CDH12: variants seen among roughly 807,000 people sequenced by gnomAD.
CDH12 encodes the protein cadherin-12.
A neutral mutation model predicts 74.1 loss-of-function variants in CDH12; 41 were observed. That is an observed-to-expected ratio of 0.55 (90% CI 0.43 to 0.72). The LOEUF is 0.72. Ranked by LOEUF, CDH12 falls within the 30% of genes least tolerant of loss-of-function variation. The probability of loss-of-function intolerance (pLI) is 0.00; values close to 1 mark genes in which losing one functional copy is unlikely to be tolerated. For missense variants in CDH12, 945 were observed against 977.2 expected (o/e 0.97, Z 0.44); for synonymous variants, 399 against 355.0 (o/e 1.12, Z -1.39).
At chr5:22,839,021 A>T (rs1421780569) in intron 1 of CDH12, among the ~76,000 whole-genome samples, 1 of 152,116 alleles carries the variant, frequency 6.6e-6, no homozygotes, top group Non-Finnish European at 1.5e-5. Flanking sequence ...GTCACTTAAG[A>T]TAAAAGTTTT....
chr5:22,624,923 A>G (rs1472368371), intron 1 of CDH12, among the ~76,000 whole-genome samples: 2 of 152,222 alleles, frequency 1.3e-5, no homozygotes, highest in Admixed American at 6.5e-5. Flanking sequence ...ATGTCCATCA[A>G]TGATAGACTG....
At chr5:22,795,753 A>G (rs201590313) in intron 1 of CDH12, among the ~76,000 whole-genome samples, 1 of 151,698 alleles carries the variant, frequency 6.6e-6, no homozygotes, top group Non-Finnish European at 1.5e-5. Flanking sequence ...TGAGATCAAC[A>G]TTTTTAGATT....
chr5:22,526,243 A>T (rs987685401), intron 1 of CDH12, among the ~76,000 whole-genome samples: 88 of 152,204 alleles, frequency 5.8e-4, no homozygotes, highest in Admixed American at 5.4e-3. Flanking sequence ...GAATTAAAAA[A>T]ACCCTGAAAG....
chr5:22,709,494 T>TA (rs1299525636), intron 1 of CDH12, among the ~76,000 whole-genome samples: 5 of 152,210 alleles, frequency 3.3e-5, no homozygotes, highest in African/African-American at 9.6e-5. Context: ...TCTGCCAGTA[T>TA]AACTGTACAG....
At position 21,755,599 on chromosome 5, in the gene CDH12, A is replaced by G; in HGVS notation, c.1877T>C (p.Ile626Thr). ...ALIAILLCIV[I>T]LLAIVVLYVA... is the part of the protein sequence containing the mutation. ...TTAATATTGAAACCAACCTAAGAGT[A>G]TAACAATGCATAGTAGAATTGCAAT... The change falls in exon 14 of 15, where the codon ATA becomes ACA. Residue 626 changes from isoleucine (I) to threonine (T), a missense_variant. Ile to Thr is a moderately conservative substitution (Grantham distance 89, BLOSUM62 -1). Around this residue, in one of 3 missense-constraint regions of CDH12, gnomAD observed 791 missense variants for 792.8 expected, o/e 1.00. Coordinates refer to ENST00000382254, the MANE Select transcript of CDH12 (RefSeq NM_004061.5). 1.2e-6 allele frequency: 2 copies of G among 1,613,890 alleles called. No individual in the cohort carries two copies. Among genetic ancestry groups the G allele is most frequent in the Non-Finnish European group, 1.7e-6 (2 of 1,179,850 alleles).
At chr5:21,903,149 G>A (rs1209278716) in intron 6 of CDH12, among the ~76,000 whole-genome samples, 1 of 151,930 alleles carries the variant, frequency 6.6e-6, no homozygotes, top group Non-Finnish European at 1.5e-5. Flanking sequence ...ATTAAAATGA[G>A]ACTTGGAAGA....
chr5:22,803,718 C>A (rs934803703), intron 1 of CDH12, among the ~76,000 whole-genome samples: 1 of 152,180 alleles, frequency 6.6e-6, no homozygotes, highest in Non-Finnish European at 1.5e-5. Flanking sequence ...CCTTTCCCTA[C>A]TCTCTCAAAC....
chr5:21,792,651 C>G (rs997081641), intron 10 of CDH12, among the ~76,000 whole-genome samples: 5 of 136,732 alleles, frequency 3.7e-5, no homozygotes, highest in African/African-American at 1.4e-4. Flanking sequence ...TCTTACGGAA[C>G]TGGAAGTTAA....
At chr5:22,840,841 G>T (rs1346447241) in intron 1 of CDH12, among the ~76,000 whole-genome samples, 1 of 152,136 alleles carries the variant, frequency 6.6e-6, no homozygotes, top group Non-Finnish European at 1.5e-5. Context: ...GAGGCTTGAA[G>T]GTAACTAGCC....
At chr5:22,313,475 T>C (rs1738475766) in intron 3 of CDH12, among the ~76,000 whole-genome samples, 2 of 152,202 alleles carry the variant, frequency 1.3e-5, no homozygotes, top group South Asian at 4.1e-4. Flanking sequence ...CAACTTATTC[T>C]GGTTTGCCTG....
intron 13 of CDH12, among the ~76,000 whole-genome samples, chr5:21,759,775 C>A (rs57261486): frequency 0.094 from 14,281 of 151,864 alleles, 778 homozygotes; most frequent in South Asian, 0.14. Context: ...TGTATTATTT[C>A]ATCACCCAGG....
At chr5:22,425,419 A>C (rs952221554) in intron 2 of CDH12, among the ~76,000 whole-genome samples, 1 of 151,344 alleles carries the variant, frequency 6.6e-6, no homozygotes, top group East Asian at 1.9e-4. Context: ...ACTGAAATGC[A>C]TCAATGGGAG....
chr5:22,616,694 G>A (rs1280337863), intron 1 of CDH12, among the ~76,000 whole-genome samples: 2 of 151,956 alleles, frequency 1.3e-5, no homozygotes, highest in African/African-American at 4.8e-5. Flanking sequence ...GAAAGGGGAG[G>A]GTAAAGGAGG....
At chr5:22,458,855 T>TAAACACAAAC (rs1745394036) in intron 2 of CDH12, among the ~76,000 whole-genome samples, 2 of 152,190 alleles carry the variant, frequency 1.3e-5, no homozygotes, top group Admixed American at 1.3e-4. Flanking sequence ...TTATTTCAAC[T>TAAACACAAAC]TAGAAAACTA....
rs528760218 is a variant in CDH12, at chr5:22,070,100, C to T, written c.231+8346G>A. Among the ~76,000 whole-genome samples, 49 of 152,080 alleles carry T rather than the reference C, an allele frequency of 3.2e-4. No homozygotes were observed. In the East Asian group the frequency reaches 9.3e-3, roughly 29 times the overall value. On this transcript the variant is annotated intron_variant, in intron 5 of 14. Coordinates refer to ENST00000382254, the MANE Select transcript of CDH12 (RefSeq NM_004061.5). ...ATTTTAAATATGATATATTTAATAT[C>T]TTTTTTCTTCCCTCTCCTATCCCCT...
chr5:22,376,981 G>T (rs1386347301), intron 3 of CDH12, among the ~76,000 whole-genome samples: 2 of 151,960 alleles, frequency 1.3e-5, no homozygotes, highest in Non-Finnish European at 2.9e-5. Context: ...TTAAAGACAG[G>T]GTATTAGTTT....
intron 2 of CDH12, among the ~76,000 whole-genome samples, chr5:22,470,863 CTTT>C (rs5866567): frequency 3.6e-4 from 52 of 142,600 alleles, no homozygotes; most frequent in East Asian, 6.1e-4. Context: ...AACCTTAGCG[CTTT>C]TTTTTTTTTT....
intron 4 of CDH12, among the ~76,000 whole-genome samples, chr5:22,185,784 G>A (rs192669926): frequency 1.3e-5 from 2 of 152,248 alleles, no homozygotes; most frequent in Admixed American, 6.5e-5. Flanking sequence ...TGGGTTTTGG[G>A]AAATCAGTTC....
At chr5:22,556,801 C>T (rs1738821568) in intron 1 of CDH12, among the ~76,000 whole-genome samples, 1 of 151,952 alleles carries the variant, frequency 6.6e-6, no homozygotes, top group Non-Finnish European at 1.5e-5. Flanking sequence ...AATTCTTTTT[C>T]TGGCCCTTCG....
Sources: gnomAD v4.1 joint callset for allele counts (sites outside exome capture counted in the v4.1 genomes callset) on GRCh38, gnomAD v4.1.1 for gene constraint, gnomAD v4.1.1 regional missense constraint, MANE v1.5 for transcripts, NCBI Gene and HGNC (gene_info 2026-07-23, HGNC 2026-07-21) for gene names.